The following FKBP1B variants were observed in gnomAD, a reference collection of about 807,000 sequenced individuals.
The protein encoded by FKBP1B is FKBP prolyl isomerase 1B.
A neutral mutation model predicts 13.5 loss-of-function variants in FKBP1B; 4 were observed. The observed-to-expected ratio is 0.30, with a 90% CI of 0.15 to 0.68. The LOEUF (loss-of-function observed/expected upper bound fraction) is 0.68, where lower values mean the gene tolerates loss of function less well. FKBP1B is among the 30% of genes least tolerant of loss of function. The pLI, the probability that FKBP1B is intolerant of heterozygous loss-of-function variation, is 0.76. For synonymous variants in FKBP1B, 54 were observed against 53.6 expected (o/e 1.01, Z -0.03); for missense variants, 93 against 136.2 (o/e 0.68, Z 1.58).
chr2:24,035,353 C>T, the FKBP1B span, among the ~76,000 whole-genome samples: 3 of 151,580 alleles, frequency 2.0e-5, no homozygotes, highest in Non-Finnish European at 4.4e-5. Flanking sequence ...AAATACATAA[C>T]TAAAGTCTGC....
At position 24,054,037 on chromosome 2, in the gene FKBP1B, C is replaced by G. The variant is rs1206091977; in HGVS notation, c.85+88C>G. The stretch of plus-strand genomic sequence containing the variant: ...AGCTTCTCTCCAGAGGTGCCTGCCT[C>G]TGGATCAGGGCTAAAGCCCAAGGCA... On this transcript the variant is annotated intron_variant, in intron 2 of 3. Transcript: ENST00000380986. The G allele has an allele frequency of 2.3e-6, 3 of 1,327,254 alleles. No homozygotes were observed. In the East Asian group the frequency reaches 6.9e-5, roughly 31 times the overall value. The allele number at this position is 1,327,254 out of a possible 1,614,324, so 82.2% of individuals were successfully genotyped here. A position where few individuals can be genotyped will look rare whatever the true frequency, so the allele number is the denominator to read the frequency against.
intron 1 of FKBP1B, among the ~76,000 whole-genome samples, chr2:24,052,580 C>G (rs531521010): frequency 1.3e-5 from 2 of 152,316 alleles, no homozygotes; most frequent in South Asian, 4.1e-4. Context: ...CACTGCATCT[C>G]CCTTTAATAC....
At chr2:24,061,831 G>C (rs1664406146) in intron 3 of FKBP1B, among the ~76,000 whole-genome samples, 1 of 152,126 alleles carries the variant, frequency 6.6e-6, no homozygotes, top group African/African-American at 2.4e-5. Flanking sequence ...TTCTTGGTCT[G>C]TCTGTGAAGT....
the FKBP1B span, chr2:24,038,087 C>G: frequency 2.5e-6 from 4 of 1,614,126 alleles, no homozygotes; most frequent in Non-Finnish European, 3.4e-6. Context: ...TGACAAAAAT[C>G]TGGGGAAAGA....
the FKBP1B span, among the ~76,000 whole-genome samples, chr2:24,035,999 T>A: frequency 6.8e-6 from 1 of 147,792 alleles, no homozygotes; most frequent in Non-Finnish European, 1.5e-5. Flanking sequence ...AACCTGGGAG[T>A]TGGAGGTTGC....
At chr2:24,037,118 C>T in the FKBP1B span, among the ~76,000 whole-genome samples, 1 of 152,206 alleles carries the variant, frequency 6.6e-6, no homozygotes, top group Non-Finnish European at 1.5e-5. Context: ...ACCTGTGCCT[C>T]CCGGGCTCAA....
intron 2 of FKBP1B, among the ~76,000 whole-genome samples, chr2:24,057,617 C>T (rs1664192526): frequency 6.6e-6 from 1 of 152,112 alleles, no homozygotes; most frequent in African/African-American, 2.4e-5. Context: ...AGGTGATCTG[C>T]TCGCCTCGGC....
In FKBP1B at chr2:24,054,000, G is replaced by C. The variant is rs370044499; in HGVS notation, c.85+51G>C. 3.8e-6 allele frequency: 6 copies of C among 1,564,544 alleles called. No individual in the cohort carries two copies. The Admixed American group carries it at 5.0e-5, about 13-fold the overall frequency. On this transcript the variant is annotated intron_variant, in intron 2 of 3. Transcript: ENST00000380986. ...CCCAGTCCTTCCCCTCCCAAGGCAG[G>C]GCTGTCCTCTGAGCTTCTCTCCAGA...
At chr2:24,043,033 C>A in the FKBP1B span, among the ~76,000 whole-genome samples, 376 of 134,856 alleles carry the variant, frequency 2.8e-3, no homozygotes, top group Middle Eastern at 4.1e-3. Flanking sequence ...AACTCCGTCT[C>A]AAAAAAAAAA....
At chr2:24,040,449 T>G in the FKBP1B span, among the ~76,000 whole-genome samples, 22,461 of 152,256 alleles carry the variant, frequency 0.15, 1,967 homozygotes, top group South Asian at 0.2. Context: ...ATAACTGATA[T>G]GCACATCTCT....
the FKBP1B span, among the ~76,000 whole-genome samples, chr2:24,043,165 C>G: frequency 6.6e-6 from 1 of 152,080 alleles, no homozygotes; most frequent in African/African-American, 2.4e-5. Context: ...GAAACCTCGT[C>G]TCTACTAAAA....
chr2:24,044,817 TAA>T (rs747340836), upstream of FKBP1B, among the ~76,000 whole-genome samples: 266 of 103,904 alleles, frequency 2.6e-3, no homozygotes, highest in African/African-American at 8.5e-3. Flanking sequence ...GAATTATCTT[TAA>T]AAAAAAAAAA....
At chr2:24,049,717 T>C, upstream of FKBP1B, 1 of 665,740 alleles carries the variant, frequency 1.5e-6, no homozygotes, top group Non-Finnish European at 2.1e-6. Flanking sequence ...AGGTCCCGAC[T>C]CCAGCCGCAC....
chr2:24,037,990 G>C, the FKBP1B span: 1 of 1,614,150 alleles, frequency 6.2e-7, no homozygotes, highest in Non-Finnish European at 8.5e-7. Context: ...ACTAGACAGA[G>C]GACTCTGGAT....
chr2:24,039,331 C>T, the FKBP1B span: 1 of 1,614,238 alleles, frequency 6.2e-7, no homozygotes, highest in Non-Finnish European at 8.5e-7. Flanking sequence ...TTCAAACTGT[C>T]CAATGACTTT....
At chr2:24,043,650 C>T in the FKBP1B span, among the ~76,000 whole-genome samples, 1 of 152,162 alleles carries the variant, frequency 6.6e-6, no homozygotes, top group Non-Finnish European at 1.5e-5. Context: ...GAATTCCATT[C>T]CAATTTCTTC....
At chr2:24,059,210 A>T (rs1215792670) in intron 2 of FKBP1B, among the ~76,000 whole-genome samples, 1 of 150,540 alleles carries the variant, frequency 6.6e-6, no homozygotes, top group Admixed American at 6.6e-5. Flanking sequence ...CAGTCGTGGA[A>T]CTGCATCATT....
chr2:24,033,206 C>T, the FKBP1B span: 1 of 557,190 alleles, frequency 1.8e-6, no homozygotes, highest in East Asian at 4.6e-5. Flanking sequence ...TAGAATACAA[C>T]TAATAACACT....
chr2:24,034,396 G>T, the FKBP1B span, among the ~76,000 whole-genome samples: 1 of 151,854 alleles, frequency 6.6e-6, no homozygotes, highest in Admixed American at 6.6e-5. Flanking sequence ...CTCCGGCCTG[G>T]GTGACAAAGC....
Sources: gnomAD v4.1 joint callset for allele counts (sites outside exome capture counted in the v4.1 genomes callset) on GRCh38, gnomAD v4.1.1 for gene constraint, MANE v1.5 for transcripts, NCBI Gene and HGNC (gene_info 2026-07-23, HGNC 2026-07-21) for gene names.